The following MORN1 variants were observed in gnomAD, a reference collection of about 807,000 sequenced individuals.
MORN1 encodes the protein MORN repeat containing 1, also known as MORN repeat-containing protein 1.
MORN1 carries 67 observed loss-of-function variants against 61.9 expected under a neutral mutation model. The observed-to-expected ratio is 1.08, with a 90% confidence interval of 0.89 to 1.33. The LOEUF is 1.33. Among genes scored for constraint, MORN1 ranks in the 40% most tolerant of loss-of-function variants. MORN1 has a pLI of 0.00. For synonymous variants in MORN1, 301 were observed against 292.0 expected, an observed-to-expected ratio of 1.03 and a Z score of -0.31; for missense variants, 752 against 691.2, an observed-to-expected ratio of 1.09 and a Z score of -0.99.
intron 10 of MORN1, among the ~76,000 whole-genome samples, chr1:2,349,045 C>T (rs1557876575): frequency 6.6e-6 from 1 of 152,200 alleles, no homozygotes; most frequent in Non-Finnish European, 1.5e-5. Flanking sequence ...ATGGATGCTG[C>T]CTCCATCACC....
At chr1:2,390,074 G>A (rs1642608968) in intron 1 of MORN1, 78 bp from the exon 2 acceptor site, 1 of 1,360,750 alleles carries the variant, frequency 7.3e-7, no homozygotes, top group Non-Finnish European at 1.1e-6. Flanking sequence ...AGGAGGGAGT[G>A]CAGCTCCCTT....
Position 2,334,005 on chromosome 1 carries a change from G to T in MORN1, c.1250+2464C>A, listed in dbSNP as rs918897734. ...GCTGGGACCCAGACCAGAGGGAGGG[G>T]TGCATGGGAGACCCCAGAGCTTCTT... On this transcript the variant is annotated intron_variant, in intron 12 of 13. Transcript: ENST00000378531. This position sits in a 1 kb window ranked among gnomAD's most constrained non-coding sequence, Gnocchi z 5.4. 5.3e-5 allele frequency among the ~76,000 whole-genome samples: 8 copies of T among 152,198 alleles called. No homozygotes were observed. The highest frequency in any genetic ancestry group is 8.8e-5 in the Non-Finnish European group (6 of 68,048).
intron 10 of MORN1, among the ~76,000 whole-genome samples, chr1:2,344,953 A>C (rs1005953577): frequency 3.4e-5 from 5 of 145,898 alleles, no homozygotes; most frequent in Non-Finnish European, 6.0e-5. Flanking sequence ...GCATGCTCAC[A>C]CTCTGCGCTC....
intron 5 of MORN1, chr1:2,385,295 A>C (rs1642468739): frequency 1.7e-6 from 1 of 574,496 alleles, no homozygotes; most frequent in Non-Finnish European, 3.1e-6. Context: ...CCTGCTCGGG[A>C]CGCACTCAGC....
chr1:2,373,100 G>A (rs1642158090), intron 7 of MORN1, among the ~76,000 whole-genome samples: 1 of 152,214 alleles, frequency 6.6e-6, no homozygotes, highest in Non-Finnish European at 1.5e-5. Context: ...CGCTGTGGGT[G>A]GTGTCGTCAC....
At chr1:2,355,256 G>A in intron 10 of MORN1, 1 of 1,420,686 alleles carries the variant, frequency 7.0e-7, no homozygotes, top group Non-Finnish European at 9.2e-7. Flanking sequence ...TGAGGTGAAG[G>A]CAGACAAGGG....
At chr1:2,387,324 G>C (rs1642527855) in intron 4 of MORN1, 95 bp downstream of exon 4, 3 of 885,820 alleles carry the variant, frequency 3.4e-6, no homozygotes, top group Non-Finnish European at 5.6e-6. Flanking sequence ...AAGTCAGGCA[G>C]GCCCTCTCAG....
intron 10 of MORN1, chr1:2,351,542 A>G (rs1371361491): frequency 5.1e-6 from 1 of 197,666 alleles, no homozygotes; most frequent in Non-Finnish European, 1.0e-5. Flanking sequence ...AGTCTTTGCC[A>G]GCACATTGCG....
chr1:2,340,551 G>A (rs997991300), intron 10 of MORN1, among the ~76,000 whole-genome samples: 6 of 152,312 alleles, frequency 3.9e-5, no homozygotes, highest in Middle Eastern at 3.4e-3. Flanking sequence ...TCTGTGGCTC[G>A]GAGGACTGCA....
intron 1 of MORN1, 73 bp downstream of exon 1, chr1:2,391,385 G>A: frequency 8.1e-7 from 1 of 1,242,008 alleles, no homozygotes; most frequent in Middle Eastern, 2.2e-4. Flanking sequence ...TGGGGGTCGA[G>A]GGCGTAGAGC....
At chr1:2,332,486 C>A in intron 12 of MORN1, 1 of 393,716 alleles carries the variant, frequency 2.5e-6, no homozygotes, top group Non-Finnish European at 5.1e-6. Context: ...CATTGTCCCC[C>A]TCGGCAGTTC....
chr1:2,335,846 C>CCCAGCCCA (rs370659459), intron 12 of MORN1, among the ~76,000 whole-genome samples: 20 of 149,954 alleles, frequency 1.3e-4, no homozygotes, highest in African/African-American at 5.1e-4. Flanking sequence ...CCCAGCCCAG[C>CCCAGCCCA]GCGCAGCTGC....
Position 2,372,205 on chromosome 1 carries a change from T to C in MORN1, c.745+276A>G, listed in dbSNP as rs561066055. 2.8e-4 allele frequency: 113 copies of C among 397,318 alleles called. 1 individual carries two copies. The highest frequency in any genetic ancestry group is 2.5e-3 in the South Asian group (106 of 42,882). The allele number at this position is 397,318 out of a possible 1,614,324, so 24.6% of individuals were successfully genotyped here. ...CCACACGTATACACATTCAGACCTG[T>C]GCACACCTGTGCAAGGCATACACAC... On this transcript the variant is annotated intron_variant, in intron 8 of 13. Transcript: ENST00000378531. The surrounding 1 kb of genome is among the most constrained non-coding windows in gnomAD (Gnocchi z 5.4).
intron 9 of MORN1, among the ~76,000 whole-genome samples, 181 bp downstream of exon 9, chr1:2,358,411 A>G (rs1273482883): frequency 6.6e-6 from 1 of 152,214 alleles, no homozygotes; most frequent in Non-Finnish European, 1.5e-5. Flanking sequence ...GAGGGGCCAC[A>G]GCAGAGGGTC....
intron 12 of MORN1, among the ~76,000 whole-genome samples, chr1:2,335,847 G>GCC (rs1557870549): frequency 1.6e-4 from 21 of 134,828 alleles, no homozygotes; most frequent in African/African-American, 7.2e-4. Context: ...CCAGCCCAGC[G>GCC]CGCAGCTGCC....
intron 6 of MORN1, among the ~76,000 whole-genome samples, chr1:2,381,928 T>C (rs887135958): frequency 6.6e-6 from 1 of 151,754 alleles, no homozygotes; most frequent in Non-Finnish European, 1.5e-5. Context: ...TGCCCCCTGG[T>C]GGATGCGCTG....
At chr1:2,346,683 C>A (rs1484679811) in intron 10 of MORN1, among the ~76,000 whole-genome samples, 2 of 152,142 alleles carry the variant, frequency 1.3e-5, no homozygotes, top group Admixed American at 1.3e-4. Flanking sequence ...ACCGCGCCCA[C>A]CCTGAGATAA....
chr1:2,379,953 C>G (rs1451319849), intron 6 of MORN1, among the ~76,000 whole-genome samples: 1 of 152,208 alleles, frequency 6.6e-6, no homozygotes, highest in Non-Finnish European at 1.5e-5. Flanking sequence ...GCATCACCCA[C>G]AGGACCCAGG....
Position 2,373,812 on chromosome 1 carries a change from CCT to C in MORN1, c.634+647_634+648del, listed in dbSNP as rs531181869. Among the ~76,000 whole-genome samples, 457 of 152,350 alleles carry C rather than the reference CCT, an allele frequency of 3.0e-3. 3 individuals carry two copies. Among genetic ancestry groups the C allele is most frequent in the African/African-American group, 0.011 (441 of 41,574 alleles). ...GCAGCAGTTACTGTCACCCGTCACCCCTGTGACCTCTCCCAGCTAACAGGTCT... is the reference window on the plus strand; with the variant it reads ...GCAGCAGTTACTGTCACCCGTCACCCGTGACCTCTCCCAGCTAACAGGTCT... On this transcript the variant is annotated intron_variant, in intron 7 of 13. Transcript: ENST00000378531.
Sources: gnomAD v4.1 joint callset for allele counts (sites outside exome capture counted in the v4.1 genomes callset) on GRCh38, gnomAD v4.1.1 for gene constraint, Gnocchi (gnomAD v3.1) non-coding constraint, MANE v1.5 for transcripts, NCBI Gene and HGNC (gene_info 2026-07-23, HGNC 2026-07-21) for gene names.